The following SP7 variants were observed in gnomAD, a reference collection of about 807,000 sequenced individuals.
SP7 encodes the protein transcription factor Sp7.
In SP7, 13 loss-of-function variants were observed where a neutral mutation model predicts 27.9. That is an observed-to-expected ratio of 0.47 (90% CI 0.30 to 0.74). The LOEUF is 0.74. Ranked by LOEUF, SP7 falls within the 30% of genes least tolerant of loss-of-function variation. The probability of loss-of-function intolerance (pLI) is 0.06; values close to 1 mark genes in which losing one functional copy is unlikely to be tolerated. For synonymous variants in SP7, 219 were observed against 226.7 expected, an observed-to-expected ratio of 0.97 and a Z score of 0.31; for missense variants, 525 against 558.0, an observed-to-expected ratio of 0.94 and a Z score of 0.60.
Position 53,335,647 on chromosome 12 carries a change from C to A in SP7, c.-1G>T. On this transcript the variant is annotated 5_prime_UTR_variant, in exon 2 of 3. Transcript: ENST00000536324. Reference sequence around the variant, plus strand: ...TTACCTCAAGCAGGGAGGACGCCATCCTGAGGCTGGGGAACGGGTCCCAAG... The same window carrying A: ...TTACCTCAAGCAGGGAGGACGCCATACTGAGGCTGGGGAACGGGTCCCAAG... 2 of 1,531,722 alleles carry A rather than the reference C, an allele frequency of 1.3e-6. No individual in the cohort carries two copies. Among genetic ancestry groups the A allele is most frequent in the Non-Finnish European group, 8.8e-7 (1 of 1,138,950 alleles). 94.9% of individuals were successfully genotyped at this position (1,531,722 alleles called of 1,614,324 possible).
chr12:53,334,769 G>A (rs1944747597), intron 2 of SP7, among the ~76,000 whole-genome samples: 1 of 152,170 alleles, frequency 6.6e-6, no homozygotes. Flanking sequence ...TCCCCCAGAA[G>A]CCAGAGTAGA....
Position 53,328,322 on chromosome 12 carries a change from G to C in SP7, c.1120C>G (p.Arg374Gly). 6.2e-7 allele frequency: 1 copy of C among 1,611,242 alleles called. No individual in the cohort carries two copies. Among genetic ancestry groups the C allele is most frequent in the Non-Finnish European group, 8.5e-7 (1 of 1,178,144 alleles). Reference sequence around the variant, plus strand: ...CCCGGGCCTGGTTCTCCATGGGTGCGCTGGTGTTTGCTCAGGTGGTCGCTT... The same window carrying C: ...CCCGGGCCTGGTTCTCCATGGGTGCCCTGGTGTTTGCTCAGGTGGTCGCTT... ...TRSDHLSKHQ[R>G]THGEPGPGPP... Residue 374 changes from arginine to glycine, a missense_variant, in exon 3 of 3, where the codon CGC (arginine) becomes GGC (glycine). Arg to Gly is a moderately radical substitution (Grantham distance 125). Coordinates refer to ENST00000536324, the MANE Select transcript of SP7 (RefSeq NM_001173467.3). This position sits in a 1 kb window ranked among gnomAD's most constrained non-coding sequence, Gnocchi z 5.1.
intron 2 of SP7, among the ~76,000 whole-genome samples, chr12:53,330,652 G>A (rs1308766798): frequency 6.6e-6 from 1 of 152,178 alleles, no homozygotes; most frequent in Non-Finnish European, 1.5e-5. Flanking sequence ...GGAAAGATGA[G>A]GCTCAAAGTG....
rs938687310 is a variant in SP7, at chr12:53,328,095, G to A, written c.*51C>T. On this transcript the variant is annotated 3_prime_UTR_variant, in exon 3 of 3. Coordinates refer to ENST00000536324, the MANE Select transcript of SP7 (RefSeq NM_001173467.3). The surrounding 1 kb of genome is among the most constrained non-coding windows in gnomAD (Gnocchi z 5.1). ...TGATTGGCAAGCAGTGGTCTAGAGA[G>A]CCAAGAGAGACTGTCAGGGCAGCCC... 3 of 1,509,022 alleles carry A rather than the reference G, an allele frequency of 2.0e-6. No homozygotes were observed. Among genetic ancestry groups the A allele is most frequent in the African/African-American group, 1.4e-5 (1 of 72,046 alleles). The allele number at this position is 1,509,022 out of a possible 1,614,324, so 93.5% of individuals were successfully genotyped here.
chr12:53,336,741 CGTGCCCGTGTGTGTGTGTGTGTGT>C (rs1944776375), upstream of SP7, among the ~76,000 whole-genome samples: 1 of 151,082 alleles, frequency 6.6e-6, no homozygotes, highest in Non-Finnish European at 1.5e-5. Flanking sequence ...TGTGTGTGTA[CGTGCCCGTGTGTGTGTGTGTGTGT>C]GTATGTTGTG....
intron 2 of SP7, among the ~76,000 whole-genome samples, chr12:53,332,513 G>A (rs1040115658): frequency 1.3e-5 from 2 of 152,162 alleles, no homozygotes; most frequent in African/African-American, 4.8e-5. Context: ...AGTAGTTAGA[G>A]GCTGCAGTGA....
chr12:53,340,088 A>C (rs1036637383), upstream of SP7, among the ~76,000 whole-genome samples: 2 of 152,066 alleles, frequency 1.3e-5, no homozygotes, highest in African/African-American at 4.8e-5. Flanking sequence ...ATTGACACAC[A>C]CTGATATATA....
intron 2 of SP7, 75 bp from the exon 3 acceptor site, chr12:53,329,495 A>G: frequency 8.0e-7 from 1 of 1,250,138 alleles, no homozygotes. Context: ...TTTAGGACTG[A>G]GACCTAGAGA....
In SP7 at chr12:53,329,341, C is replaced by T. The variant is rs781433746; in HGVS notation, c.101G>A (p.Arg34Gln). 54 of 1,613,848 alleles carry T rather than the reference C, an allele frequency of 3.3e-5. No individual in the cohort carries two copies. Among genetic ancestry groups the T allele is most frequent in the Admixed American group, 1.7e-4 (10 of 59,988 alleles). The change falls in exon 3 of 3, where the codon CGG becomes CAG. Residue 34 changes from arginine to glutamine, a missense_variant. Physicochemically the swap from Arg to Gln is conservative, Grantham distance 43. Coordinates refer to ENST00000536324, the MANE Select transcript of SP7 (RefSeq NM_001173467.3). ...TGCTTTGCCCAGAGTTGTTGAGTCC[C>T]GCAGAGGGCTAGAGCCACCAAATTT... ...CSKFGGSSPL[R>Q]DSTTLGKAGT...
At chr12:53,338,734 C>T (rs1382498296), upstream of SP7, among the ~76,000 whole-genome samples, 1 of 152,138 alleles carries the variant, frequency 6.6e-6, no homozygotes, top group Admixed American at 6.5e-5. Flanking sequence ...AAGATGTGAG[C>T]CAGTGCCCCG....
At position 53,329,379 on chromosome 12, in the gene SP7, C is replaced by A. The variant is rs542641721; in HGVS notation, c.63G>T (p.Thr21=). The change falls in exon 3 of 3, where the codon ACG becomes ACT. Residue 21 remains threonine (T), a synonymous_variant. Coordinates refer to ENST00000536324, the MANE Select transcript of SP7 (RefSeq NM_001173467.3). ...AGCCACCAAATTTGCTGCACGCTGCCGTCAGCATGGCCAGGGGACTGGAGC... is the reference window on the plus strand; with the variant it reads ...AGCCACCAAATTTGCTGCACGCTGCAGTCAGCATGGCCAGGGGACTGGAGC... ...HYGSSPLAML[T]AACSKFGGSS... 1.2e-6 allele frequency: 2 copies of A among 1,613,966 alleles called. No individual in the cohort carries two copies. The highest frequency in any genetic ancestry group is 1.1e-5 in the South Asian group (1 of 91,070).
Position 53,335,703 on chromosome 12 carries a change from G to T in SP7, c.-47-10C>A. ...AGGCAGATGGAGAGAGCTGAGCCGG[G>T]GGGTGGGGGGGGTAGAGAGAGAAAA... On this transcript the variant is annotated splice_polypyrimidine_tract_variant and intron_variant, in intron 1 of 2. Coordinates refer to ENST00000536324, the MANE Select transcript of SP7 (RefSeq NM_001173467.3). 2.7e-6 allele frequency: 4 copies of T among 1,459,770 alleles called. No homozygotes were observed. Among genetic ancestry groups the T allele is most frequent in the Non-Finnish European group, 3.7e-6 (4 of 1,091,206 alleles). 90.4% of individuals were successfully genotyped at this position (1,459,770 alleles called of 1,614,324 possible). A position where few individuals can be genotyped will look rare whatever the true frequency, so the allele number is the denominator to read the frequency against.
intron 1 of SP7, 161 bp from the exon 2 acceptor site, chr12:53,335,854 C>T (rs1944764570): frequency 3.6e-6 from 5 of 1,405,088 alleles, no homozygotes; most frequent in Non-Finnish European, 4.6e-6. Flanking sequence ...GCGGAGAAGG[C>T]TCCAGATCCA....
At chr12:53,342,499 G>A (rs370202171) in intron 1 of SP7, among the ~76,000 whole-genome samples, 2 of 152,158 alleles carry the variant, frequency 1.3e-5, no homozygotes, top group Non-Finnish European at 2.9e-5. Flanking sequence ...TAATACAAAA[G>A]AGTAGGAAGT....
intron 2 of SP7, among the ~76,000 whole-genome samples, chr12:53,333,861 G>T (rs1413009206): frequency 6.6e-6 from 1 of 151,038 alleles, no homozygotes; most frequent in African/African-American, 2.5e-5. Flanking sequence ...GTGCCTTCGT[G>T]TTGCAGGCAT....
intron 1 of SP7, among the ~76,000 whole-genome samples, chr12:53,343,169 C>T (rs1262703952): frequency 6.8e-6 from 1 of 147,056 alleles, no homozygotes; most frequent in Non-Finnish European, 1.5e-5. Context: ...GTCTGGGTGA[C>T]AGAATGAGAC....
upstream of SP7, among the ~76,000 whole-genome samples, chr12:53,337,403 T>C (rs1323507850): frequency 6.6e-6 from 1 of 152,228 alleles, no homozygotes; most frequent in Non-Finnish European, 1.5e-5. Flanking sequence ...ACCTGGGCCA[T>C]GGGCCCTGAG....
In SP7 at chr12:53,328,081, C is replaced by T; in HGVS notation, c.*65G>A. The T allele has an allele frequency of 7.0e-7, 1 of 1,437,560 alleles. No homozygotes were observed. The allele number at this position is 1,437,560 out of a possible 1,614,324, so 89.1% of individuals were successfully genotyped here. ...TGGGGTAAAGAGAGTGATTGGCAAG[C>T]AGTGGTCTAGAGAGCCAAGAGAGAC... On this transcript the variant is annotated 3_prime_UTR_variant, in exon 3 of 3. Transcript: ENST00000536324. This position sits in a 1 kb window ranked among gnomAD's most constrained non-coding sequence, Gnocchi z 5.1.
chr12:53,338,845 C>A (rs1944797858), upstream of SP7, among the ~76,000 whole-genome samples: 1 of 152,178 alleles, frequency 6.6e-6, no homozygotes, highest in African/African-American at 2.4e-5. Context: ...CCAGCTGCTG[C>A]CCTCAGGAAC....
Sources: allele counts gnomAD v4.1 joint callset (sites outside exome capture counted in the v4.1 genomes callset), GRCh38; gene constraint gnomAD v4.1.1; non-coding constraint Gnocchi (gnomAD v3.1); transcripts MANE v1.5; gene names NCBI Gene and HGNC (gene_info 2026-07-23, HGNC 2026-07-21).